HAUS7: variants seen among roughly 807,000 people sequenced by gnomAD.
The protein encoded by HAUS7 is HAUS augmin-like complex subunit 7.
HAUS7 carries 3 observed loss-of-function variants against 28.4 expected under a neutral mutation model. The ratio of observed to expected loss-of-function variants is 0.11; its 90% CI spans 0.05 to 0.27. HAUS7 has a LOEUF of 0.27. Ranked by LOEUF, HAUS7 falls within the 10% of genes least tolerant of loss-of-function variation. HAUS7 has a pLI of 1.00. For synonymous variants in HAUS7, 165 were observed against 132.1 expected (o/e 1.25, Z -1.71); for missense variants, 284 against 297.3 (o/e 0.96, Z 0.33).
In HAUS7 at chrX:153,456,658, AGGCAGCCCCCAG is replaced by A; in HGVS notation, c.447-19_447-8del. The A allele has an allele frequency of 1.7e-6, 2 of 1,167,263 alleles. No individual in the cohort carries two copies. The highest frequency in any genetic ancestry group is 2.3e-6 in the Non-Finnish European group (2 of 870,002). ...CTCGAAGTGCTCCATCAGGCTGCAA[AGGCAGCCCCCAG>A]GGCCACACCGTCACAGGCCAGAGCA... On this transcript the variant is annotated splice_region_variant and splice_polypyrimidine_tract_variant and intron_variant, in intron 5 of 9. Transcript: ENST00000370211.
chrX:153,451,044 G>T (rs1016458058), intron 9 of HAUS7, among the ~76,000 whole-genome samples: 1 of 112,240 alleles, frequency 8.9e-6, no homozygotes, highest in African/African-American at 3.2e-5. Flanking sequence ...TAGAGAGGCC[G>T]ATGCCCGCCG....
chrX:153,493,535 A>G (rs1040971923), intron 1 of HAUS7, among the ~76,000 whole-genome samples: 4 of 112,347 alleles, frequency 3.6e-5, no homozygotes, highest in African/African-American at 1.3e-4. Flanking sequence ...GAAAGGGCAT[A>G]TGTGGTCTCC....
chrX:153,488,025 G>A (rs782543060), intron 1 of HAUS7, among the ~76,000 whole-genome samples: 18 of 112,994 alleles, frequency 1.6e-4, no homozygotes, highest in South Asian at 1.1e-3. Context: ...GGTCACAACC[G>A]CAGGGAACAC....
Position 153,456,590 on chromosome X carries a change from A to G in HAUS7, c.508T>C (p.Ser170Pro). 8.5e-7 allele frequency: 1 copy of G among 1,178,368 alleles called. No homozygotes were observed. Among genetic ancestry groups the G allele is most frequent in the Non-Finnish European group, 1.1e-6 (1 of 876,623 alleles). The change falls in exon 6 of 10, where the codon TCT (serine) becomes CCT (proline). Residue 170 changes from serine (S) to proline (P), a missense_variant. Transcript: ENST00000370211. ...KNEALLGELFSSPHLQMLLNP... is the reference protein window; with the variant it reads ...KNEALLGELFPSPHLQMLLNP... ...AGGAGCATCTGCAGGTGGGGGCTAGAGAAGAGCTCCCCCAGCAAGGCCTCG... is the reference window on the plus strand; with the variant it reads ...AGGAGCATCTGCAGGTGGGGGCTAGGGAAGAGCTCCCCCAGCAAGGCCTCG...
chrX:153,460,473 A>C (rs1336794218), intron 4 of HAUS7, among the ~76,000 whole-genome samples: 7 of 110,974 alleles, frequency 6.3e-5, no homozygotes, highest in Non-Finnish European at 1.3e-4. Context: ...AGAACCGTGA[A>C]TGTGCTTATG....
At chrX:153,490,382 C>T (rs982328025) in intron 1 of HAUS7, among the ~76,000 whole-genome samples, 2 of 112,848 alleles carry the variant, frequency 1.8e-5, no homozygotes, top group Non-Finnish European at 3.8e-5. Context: ...TGGAGAGTGC[C>T]AGCTTTCACC....
Position 153,470,530 on chromosome X carries a change from G to A in HAUS7, c.28C>T (p.Arg10Cys), listed in dbSNP as rs782622459. 8 of 1,196,343 alleles carry A rather than the reference G, an allele frequency of 6.7e-6. No individual in the cohort carries two copies. The East Asian group carries it at 2.4e-4, about 36-fold the overall frequency. ...TCCTCTGAGTAGTCGTCGCCGCCAC[G>A]GCCGCAGCCAGCGTCCTGCCCCGCC... is the stretch of plus-strand genomic sequence containing the variant. MAGQDAGCG[R>C]GGDDYSEDEG... Residue 10 changes from arginine (R) to cysteine (C), a missense_variant, in exon 1 of 10, where the codon CGT becomes TGT. By Grantham distance (180) the Arg-to-Cys change is radical. Transcript: ENST00000370211.
intron 3 of HAUS7, among the ~76,000 whole-genome samples, chrX:153,463,272 T>C (rs1327139152): frequency 4.5e-5 from 5 of 111,575 alleles, no homozygotes; most frequent in Non-Finnish European, 7.5e-5. Context: ...CCTGGAGGGT[T>C]TGTTGCAAGA....
At position 153,455,784 on chromosome X, in the gene HAUS7, G is replaced by C. The variant is rs782380832; in HGVS notation, c.706-18C>G. 9.5e-7 allele frequency: 1 copy of C among 1,053,235 alleles called. No individual in the cohort carries two copies. Among genetic ancestry groups the C allele is most frequent in the South Asian group, 1.9e-5 (1 of 53,299 alleles). 86.8% of individuals were successfully genotyped at this position (1,053,235 alleles called of 1,213,427 possible). ...GCAAAGTACTGCAAAGCCAGAGGCA[G>C]AGTCCCTTGAGGCTGCCCTGCCCAC... On this transcript the variant is annotated intron_variant, in intron 7 of 9. Transcript: ENST00000370211.
At chrX:153,463,189 G>A (rs1189739980) in intron 3 of HAUS7, 6 of 315,978 alleles carry the variant, frequency 1.9e-5, no homozygotes, top group Admixed American at 6.4e-5. Flanking sequence ...CTGCCAGGGT[G>A]CCCAGGGCAT....
rs1556987502 is a variant in HAUS7, at chrX:153,482,280, C to T, written c.-588-11135G>A. ...ATGCCCAGGAAGGCCTGTGCCCCGA[C>T]CAGCAGGCCCCCAACCCCAGCCCAC... On this transcript the variant is annotated intron_variant, in intron 1 of 5. Transcript: ENST00000370210. 4.0e-6 allele frequency: 3 copies of T among 754,755 alleles called. No homozygotes were observed. The African/African-American group carries it at 6.8e-5, about 17-fold the overall frequency. The allele number at this position is 754,755 out of a possible 1,213,427, so 62.2% of individuals were successfully genotyped here.
chrX:153,450,739 C>T (rs1556980929), intron 9 of HAUS7, among the ~76,000 whole-genome samples: 1 of 112,662 alleles, frequency 8.9e-6, no homozygotes, highest in African/African-American at 3.2e-5. Flanking sequence ...AGAAGGCACA[C>T]TGGCTGCTCC....
intron 4 of HAUS7, among the ~76,000 whole-genome samples, chrX:153,460,903 A>G (rs1556983238): frequency 8.9e-6 from 1 of 112,570 alleles, no homozygotes; most frequent in African/African-American, 3.2e-5. Flanking sequence ...TATCCAAAAG[A>G]CAGTGGAGAG....
At chrX:153,462,771 T>C in intron 3 of HAUS7, 100 bp from the exon 4 acceptor site, 1 of 663,054 alleles carries the variant, frequency 1.5e-6, no homozygotes, top group Non-Finnish European at 2.5e-6. Flanking sequence ...AGACTGGGTA[T>C]AGGAGACCAG....
At chrX:153,456,163 C>T in intron 7 of HAUS7, 102 bp downstream of exon 7, 3 of 613,499 alleles carry the variant, frequency 4.9e-6, no homozygotes, top group Non-Finnish European at 5.4e-6. Context: ...ACATGTCAGG[C>T]CCGGTGCACA....
chrX:153,492,555 GC>G (rs1556989844), intron 1 of HAUS7, among the ~76,000 whole-genome samples: 2 of 112,033 alleles, frequency 1.8e-5, no homozygotes, highest in Non-Finnish European at 3.8e-5. Context: ...CCCAGAAGCA[GC>G]CCCCAACTTC....
chrX:153,449,726 C>T (rs1450180944), intron 9 of HAUS7, among the ~76,000 whole-genome samples: 1 of 112,308 alleles, frequency 8.9e-6, no homozygotes, highest in African/African-American at 3.2e-5. Flanking sequence ...CTGTGCTCGG[C>T]GCCTGCACTC....
intron 4 of HAUS7, among the ~76,000 whole-genome samples, chrX:153,461,038 G>A (rs782323013): frequency 1.8e-5 from 2 of 112,299 alleles, no homozygotes; most frequent in African/African-American, 6.5e-5. Flanking sequence ...ACTGGGTGGC[G>A]CACACACAGG....
Position 153,457,154 on chromosome X carries a change from C to T in HAUS7, c.429G>A (p.Gly143=), listed in dbSNP as rs2089324530. 8.4e-7 allele frequency: 1 copy of T among 1,193,900 alleles called. No homozygotes were observed. The highest frequency in any genetic ancestry group is 1.1e-6 in the Non-Finnish European group (1 of 878,739). ...LLDTIRSLTI[G]CSSCSSLMEH... is the part of the protein sequence containing the mutation. ...ACCTTTACCTCGAGCAACTGGAGCA[C>T]CCAATGGTCAGGCTCCGGATGGTAT... The change falls in exon 5 of 10, where the codon GGG becomes GGA. Residue 143 remains glycine, a synonymous_variant. Transcript: ENST00000370211.
Sources: gnomAD v4.1 joint callset for allele counts (sites outside exome capture counted in the v4.1 genomes callset) on GRCh38, gnomAD v4.1.1 for gene constraint, MANE v1.5 for transcripts, NCBI Gene and HGNC (gene_info 2026-07-23, HGNC 2026-07-21) for gene names.